Variants in C10orf53 observed in about 807,000 individuals in gnomAD.
The protein encoded by C10orf53 is chromosome 10 open reading frame 53.
C10orf53 carries 8 observed loss-of-function variants against 9.4 expected under a neutral mutation model. The ratio of observed to expected loss-of-function variants is 0.85; its 90% CI spans 0.50 to 1.53. C10orf53 has a LOEUF of 1.53. C10orf53 is among the 40% of genes most tolerant of loss of function. The probability of loss-of-function intolerance (pLI) is 0.00; values close to 1 mark genes in which losing one functional copy is unlikely to be tolerated. For synonymous variants in C10orf53, 48 were observed against 46.0 expected (o/e 1.04, Z -0.18); for missense variants, 117 against 117.8 (o/e 0.99, Z 0.03).
At chr10:49,708,965 C>CT in exon 3 of C10orf53, 1 of 253,198 alleles carries the variant, frequency 3.9e-6, no homozygotes, top group Non-Finnish European at 7.5e-6. Context: ...TTTGGCATCT[C>CT]TTCCCCAAGC....
chr10:49,693,183 G>A lies in C10orf53; in HGVS notation c.98-591G>A, dbSNP rs576925257. Among the ~76,000 whole-genome samples the A allele has an allele frequency of 2.6e-4, 39 of 152,122 alleles. 1 individual carries two copies. The South Asian group carries it at 5.0e-3, about 19-fold the overall frequency. ...AATCTCATCACATGGACATTCCACC[G>A]TTTATTTGGCCGTCCTCTCATTATT... On this transcript the variant is annotated intron_variant, in intron 1 of 2. Transcript: ENST00000374111.
intron 1 of C10orf53, among the ~76,000 whole-genome samples, chr10:49,684,292 G>A (rs1840506781): frequency 6.6e-6 from 1 of 152,176 alleles, no homozygotes; most frequent in Non-Finnish European, 1.5e-5. Context: ...ATCAGGAAAT[G>A]TGAGTCTTCC....
chr10:49,688,169 C>A (rs1840547093), intron 1 of C10orf53, among the ~76,000 whole-genome samples: 1 of 152,130 alleles, frequency 6.6e-6, no homozygotes, highest in Admixed American at 6.5e-5. Context: ...AGACCCCTAG[C>A]ACTCACCCCC....
At chr10:49,682,051 A>G (rs571929354) in intron 1 of C10orf53, among the ~76,000 whole-genome samples, 1 of 152,260 alleles carries the variant, frequency 6.6e-6, no homozygotes, top group African/African-American at 2.4e-5. Context: ...CTCACCTCAT[A>G]ATCTACCTTT....
downstream of C10orf53, among the ~76,000 whole-genome samples, chr10:49,702,233 G>GAGGA (rs1840689669): frequency 6.8e-6 from 1 of 147,876 alleles, no homozygotes; most frequent in Non-Finnish European, 1.5e-5. Flanking sequence ...GGAAGGGAGG[G>GAGGA]AGGGAGGGAG....
At chr10:49,688,431 C>T (rs907556641) in intron 1 of C10orf53, among the ~76,000 whole-genome samples, 1 of 152,102 alleles carries the variant, frequency 6.6e-6, no homozygotes, top group African/African-American at 2.4e-5. Context: ...GCCCTGGCCT[C>T]CTGACTTCCC....
At chr10:49,680,920 C>T (rs1322439464) in intron 1 of C10orf53, among the ~76,000 whole-genome samples, 1 of 152,204 alleles carries the variant, frequency 6.6e-6, no homozygotes, top group East Asian at 1.9e-4. Flanking sequence ...TATGTGGAAT[C>T]GTTCCAAAGG....
exon 3 of C10orf53, chr10:49,708,815 C>A: frequency 1.4e-6 from 1 of 713,832 alleles, no homozygotes; most frequent in Non-Finnish European, 2.3e-6. Flanking sequence ...TGAGTCTCTA[C>A]AACTGTATTC....
intron 1 of C10orf53, among the ~76,000 whole-genome samples, chr10:49,689,303 GA>G (rs1397041974): frequency 6.6e-6 from 1 of 152,148 alleles, no homozygotes; most frequent in East Asian, 1.9e-4. Context: ...ATTTCAGGAA[GA>G]AAATTACCAG....
downstream of C10orf53, among the ~76,000 whole-genome samples, chr10:49,700,376 C>T (rs1443886756): frequency 6.6e-6 from 1 of 152,164 alleles, no homozygotes; most frequent in Non-Finnish European, 1.5e-5. Flanking sequence ...TGGGCATTTC[C>T]CCCCAAGGGG....
chr10:49,680,663 G>T (rs1002004890), intron 1 of C10orf53, among the ~76,000 whole-genome samples: 1 of 152,232 alleles, frequency 6.6e-6, no homozygotes, highest in Non-Finnish European at 1.5e-5. Flanking sequence ...GAGGGGGCAA[G>T]AGTGGAAACA....
At chr10:49,683,663 C>T (rs561164595) in intron 1 of C10orf53, among the ~76,000 whole-genome samples, 7 of 152,030 alleles carry the variant, frequency 4.6e-5, no homozygotes, top group African/African-American at 9.7e-5. Flanking sequence ...TCACTTGAAC[C>T]CAGGAGTTCA....
chr10:49,691,564 G>A (rs922576627), intron 1 of C10orf53, among the ~76,000 whole-genome samples: 1 of 152,236 alleles, frequency 6.6e-6, no homozygotes, highest in Non-Finnish European at 1.5e-5. Context: ...TCTTAAGAGG[G>A]TTTCTTCCTG....
intron 1 of C10orf53, among the ~76,000 whole-genome samples, chr10:49,690,736 T>C (rs1420984795): frequency 6.6e-6 from 1 of 152,096 alleles, no homozygotes; most frequent in African/African-American, 2.4e-5. Flanking sequence ...TTGAAACCAA[T>C]CCATAAAATA....
chr10:49,689,021 C>G (rs1393360396), intron 1 of C10orf53, among the ~76,000 whole-genome samples: 4 of 152,294 alleles, frequency 2.6e-5, no homozygotes, highest in Admixed American at 2.6e-4. Context: ...GGCAGGAGTT[C>G]TTTTCTGGTT....
chr10:49,708,997 C>G (rs576706391), exon 3 of C10orf53: 3 of 217,412 alleles, frequency 1.4e-5, no homozygotes, highest in African/African-American at 2.3e-5. Context: ...ATTCCTATCT[C>G]GTTACTCTGT....
chr10:49,681,499 A>G (rs1478543590), intron 1 of C10orf53, among the ~76,000 whole-genome samples: 1 of 152,274 alleles, frequency 6.6e-6, no homozygotes, highest in Non-Finnish European at 1.5e-5. Flanking sequence ...TTTCTGTGAG[A>G]GAACAGTTGA....
downstream of C10orf53, among the ~76,000 whole-genome samples, chr10:49,701,397 GT>G (rs372187418): frequency 1.6e-3 from 248 of 151,490 alleles, 1 homozygote; most frequent in African/African-American, 5.5e-3. Flanking sequence ...AAATTGCTGC[GT>G]TTTTTTTTAT....
chr10:49,680,683 A>C (rs1485737858), intron 1 of C10orf53, among the ~76,000 whole-genome samples: 2 of 152,176 alleles, frequency 1.3e-5, no homozygotes, highest in Non-Finnish European at 2.9e-5. Flanking sequence ...AAGGAAGACA[A>C]GTCTGTTGGG....
Sources: gnomAD v4.1 joint callset for allele counts (sites outside exome capture counted in the v4.1 genomes callset) on GRCh38, gnomAD v4.1.1 for gene constraint, MANE v1.5 for transcripts, NCBI Gene and HGNC (gene_info 2026-07-23, HGNC 2026-07-21) for gene names.